The following HDAC9 variants were observed in gnomAD, a reference collection of about 807,000 sequenced individuals.
HDAC9 encodes the protein histone deacetylase 9.
Under a neutral mutation model 139.4 loss-of-function variants are expected in HDAC9, and 41 were observed. The observed-to-expected ratio is 0.29, with a 90% CI of 0.23 to 0.38. The LOEUF is 0.38. Ranked by LOEUF, HDAC9 falls within the 10% of genes least tolerant of loss-of-function variation. HDAC9 has a pLI of 1.00. For missense variants in HDAC9, 1,147 were observed against 1,297.0 expected (o/e 0.88, Z 1.78); for synonymous variants, 517 against 476.2 (o/e 1.09, Z -1.12).
intron 2 of HDAC9, among the ~76,000 whole-genome samples, chr7:18,535,846 A>C (rs1271809029): frequency 2.6e-5 from 4 of 151,930 alleles, no homozygotes; most frequent in Non-Finnish European, 5.9e-5. Context: ...AATAAGAGGG[A>C]GCCTGTGAAC....
intron 2 of HDAC9, among the ~76,000 whole-genome samples, chr7:18,510,214 G>T (rs1176555928): frequency 6.6e-6 from 1 of 152,084 alleles, no homozygotes; most frequent in Non-Finnish European, 1.5e-5. Flanking sequence ...AAATGCTTCA[G>T]TTATTCTTAA....
intron 11 of HDAC9, among the ~76,000 whole-genome samples, chr7:18,648,955 C>A (rs972542108): frequency 6.6e-6 from 1 of 152,154 alleles, no homozygotes; most frequent in East Asian, 1.9e-4. Context: ...CAAGCCCATA[C>A]GGGCATATGT....
chr7:18,988,136 T>C (rs1412610167), intron 25 of HDAC9, among the ~76,000 whole-genome samples: 1 of 152,190 alleles, frequency 6.6e-6, no homozygotes, highest in Non-Finnish European at 1.5e-5. Flanking sequence ...GCTTTTCTAG[T>C]TCTTTTAATT....
intron 22 of HDAC9, among the ~76,000 whole-genome samples, chr7:18,905,461 A>G (rs1338613086): frequency 6.6e-6 from 1 of 152,198 alleles, no homozygotes; most frequent in Non-Finnish European, 1.5e-5. Flanking sequence ...TGAGGTGGTG[A>G]GGATAGTGTG....
intron 2 of HDAC9, among the ~76,000 whole-genome samples, chr7:18,175,150 A>G (rs1344308830): frequency 6.6e-6 from 1 of 152,148 alleles, no homozygotes; most frequent in African/African-American, 2.4e-5. Context: ...TATCTACTCA[A>G]GCGTCAGCAG....
intron 8 of HDAC9, among the ~76,000 whole-genome samples, chr7:18,637,464 T>G (rs1203917055): frequency 6.6e-6 from 1 of 152,092 alleles, no homozygotes; most frequent in Non-Finnish European, 1.5e-5. Context: ...CAGCTAATTG[T>G]TGAACATATT....
chr7:18,117,601 G>A (rs924637330), intron 1 of HDAC9, among the ~76,000 whole-genome samples: 3 of 152,080 alleles, frequency 2.0e-5, no homozygotes, highest in Middle Eastern at 3.5e-3. Context: ...ATGCAGCATT[G>A]AATTGATGCA....
chr7:18,314,717 A>T (rs1036788954), intron 1 of HDAC9, among the ~76,000 whole-genome samples: 2 of 152,180 alleles, frequency 1.3e-5, no homozygotes, highest in African/African-American at 4.8e-5. Context: ...TTGAGTTGTC[A>T]TGGTTGATAT....
At chr7:18,576,544 C>G (rs1480658646) in intron 2 of HDAC9, among the ~76,000 whole-genome samples, 1 of 151,872 alleles carries the variant, frequency 6.6e-6, no homozygotes, top group African/African-American at 2.4e-5. Flanking sequence ...CACCTGTAGT[C>G]CCAGCTACTC....
At chr7:18,472,744 T>C (rs908075183) in intron 1 of HDAC9, among the ~76,000 whole-genome samples, 1 of 152,212 alleles carries the variant, frequency 6.6e-6, no homozygotes, top group African/African-American at 2.4e-5. Flanking sequence ...AGTCACTCTG[T>C]ATCCCCTTAC....
intron 25 of HDAC9, among the ~76,000 whole-genome samples, chr7:18,994,695 A>C (rs1786315841): frequency 6.6e-6 from 1 of 152,212 alleles, no homozygotes; most frequent in Non-Finnish European, 1.5e-5. Flanking sequence ...TTGTTATACA[A>C]ATGCTAAGCT....
intron 1 of HDAC9, among the ~76,000 whole-genome samples, chr7:18,433,359 T>C (rs1323070572): frequency 6.6e-6 from 1 of 151,994 alleles, no homozygotes; most frequent in African/African-American, 2.4e-5. Context: ...CTTTCACCAC[T>C]CCTATTTGAC....
Position 18,222,807 on chromosome 7 carries a change from G to A in HDAC9, c.25+60458G>A, listed in dbSNP as rs902420749. 2.0e-5 allele frequency among the ~76,000 whole-genome samples: 3 copies of A among 151,918 alleles called. No individual in the cohort carries two copies. In the South Asian group the frequency reaches 6.2e-4, roughly 32 times the overall value. Reference sequence around the variant, plus strand: ...GTTTCTTAGATTGTTGGTTTGTTTTGCTATTTTAATAACAGTATGAAGAAA... The same window carrying A: ...GTTTCTTAGATTGTTGGTTTGTTTTACTATTTTAATAACAGTATGAAGAAA... On this transcript the variant is annotated intron_variant, in intron 2 of 12. Transcript: ENST00000417496.
At chr7:18,584,363 C>G (rs917677413) in intron 2 of HDAC9, among the ~76,000 whole-genome samples, 1 of 151,948 alleles carries the variant, frequency 6.6e-6, no homozygotes, top group Non-Finnish European at 1.5e-5. Context: ...CTCCTGACCT[C>G]GTGATCTGCC....
chr7:18,784,294 C>T (rs1293336539), intron 16 of HDAC9, among the ~76,000 whole-genome samples: 2 of 151,876 alleles, frequency 1.3e-5, no homozygotes, highest in African/African-American at 4.8e-5. Flanking sequence ...CCCAGACTGG[C>T]CTCAAATTTC....
chr7:18,383,633 T>C lies in HDAC9; in HGVS notation c.-42+93118T>C, dbSNP rs80207225. Among the ~76,000 whole-genome samples, 1,090 of 151,622 alleles carry C rather than the reference T, an allele frequency of 7.2e-3. 44 individuals are homozygous for C. In the East Asian group the frequency reaches 0.12, roughly 16 times the overall value. On this transcript the variant is annotated intron_variant, in intron 1 of 3. Transcript: ENST00000413509. ...AAAAAGCTTGAAGATAATATAGATA[T>C]GCATCTAACATTAAAGAAAGCTTTT...
intron 2 of HDAC9, among the ~76,000 whole-genome samples, chr7:18,527,964 T>G (rs1807477019): frequency 6.6e-6 from 1 of 152,062 alleles, no homozygotes; most frequent in Non-Finnish European, 1.5e-5. Flanking sequence ...CTGTAGTTAT[T>G]TTTAAAAAAT....
chr7:18,380,029 A>G (rs1024276920), intron 1 of HDAC9, among the ~76,000 whole-genome samples: 2 of 152,176 alleles, frequency 1.3e-5, no homozygotes, highest in Admixed American at 1.3e-4. Flanking sequence ...TTTTTCTCTA[A>G]AACCAATTGA....
At chr7:18,895,485 A>G (rs1801104393) in intron 22 of HDAC9, among the ~76,000 whole-genome samples, 1 of 152,186 alleles carries the variant, frequency 6.6e-6, no homozygotes, top group African/African-American at 2.4e-5. Flanking sequence ...AGTATGAAAG[A>G]GTTCTGATTT....
Sources: allele counts gnomAD v4.1 joint callset (sites outside exome capture counted in the v4.1 genomes callset), GRCh38; gene constraint gnomAD v4.1.1; transcripts MANE v1.5; gene names NCBI Gene and HGNC (gene_info 2026-07-23, HGNC 2026-07-21).